RAB39B: variants seen among roughly 807,000 people sequenced by gnomAD.
RAB39B encodes the protein ras-related protein Rab-39B.
For missense variants in RAB39B, 68 were observed against 171.3 expected (o/e 0.40, Z 3.37); for synonymous variants, 63 against 67.5 (o/e 0.93, Z 0.33).
At chrX:155,262,978 A>G (rs1557314426) in intron 1 of RAB39B, among the ~76,000 whole-genome samples, 1 of 112,422 alleles carries the variant, frequency 8.9e-6, no homozygotes, top group Non-Finnish European at 1.9e-5. Context: ...CCCCTCTTCA[A>G]TTACCCAACC....
At chrX:155,263,656 T>A (rs2074860106) in intron 1 of RAB39B, among the ~76,000 whole-genome samples, 1 of 112,950 alleles carries the variant, frequency 8.9e-6, no homozygotes, top group African/African-American at 3.2e-5. Flanking sequence ...TTAGCATATA[T>A]ATGTGCACAC....
At chrX:155,262,867 G>GC (rs2074857919) in intron 1 of RAB39B, among the ~76,000 whole-genome samples, 1 of 112,019 alleles carries the variant, frequency 8.9e-6, no homozygotes, top group Admixed American at 9.4e-5. Flanking sequence ...AAATGCAATC[G>GC]CAAGTTCAAA....
rs1557314183 is a variant in RAB39B, at chrX:155,260,756, C to G, written c.*47G>C. On this transcript the variant is annotated 3_prime_UTR_variant, in exon 2 of 2. Coordinates refer to ENST00000369454, the MANE Select transcript of RAB39B (RefSeq NM_171998.4). ...ACAAAGATTCTATTTATTTCTCTTA[C>G]TTTTCAGTTCAAGTAGGAGAGCATG... The G allele has an allele frequency of 8.9e-7, 1 of 1,127,461 alleles. No homozygotes were observed. The highest frequency in any genetic ancestry group is 1.8e-5 in the African/African-American group (1 of 55,702). 92.9% of individuals were successfully genotyped at this position (1,127,461 alleles called of 1,213,427 possible).
rs146900062 is a variant in RAB39B, at chrX:155,260,914, C to G, written c.531G>C (p.Arg177Ser). 13 of 1,209,557 alleles carry G rather than the reference C, an allele frequency of 1.1e-5. No individual in the cohort carries two copies. Among genetic ancestry groups the G allele is most frequent in the African/African-American group, 3.5e-5 (2 of 57,233 alleles). Residue 177 changes from arginine (R) to serine (S), a missense_variant, in exon 2 of 2, where the codon AGG becomes AGC. Coordinates refer to ENST00000369454, the MANE Select transcript of RAB39B (RefSeq NM_171998.4). The part of the protein sequence containing the change: ...LTRDIYELVK[R>S]GEITIQEGWE... ...AGCCCTCCTGGATTGTAATCTCCCCCCTTTTAACCAGCTCATATATGTCTC... is the reference window on the plus strand; with the variant it reads ...AGCCCTCCTGGATTGTAATCTCCCCGCTTTTAACCAGCTCATATATGTCTC...
Position 155,260,476 on chromosome X carries a change from G to T in RAB39B, c.*327C>A. 3.3e-6 allele frequency: 1 copy of T among 307,009 alleles called. No homozygotes were observed. Among genetic ancestry groups the T allele is most frequent in the Non-Finnish European group, 5.8e-6 (1 of 171,576 alleles). The allele number at this position is 307,009 out of a possible 1,213,427, so 25.3% of individuals were successfully genotyped here. A position where few individuals can be genotyped will look rare whatever the true frequency, so the allele number is the denominator to read the frequency against. On this transcript the variant is annotated 3_prime_UTR_variant, in exon 2 of 2. Transcript: ENST00000369454. ...TCAAATACCAAGGAACAGTTGTCCT[G>T]TCTGTAGGTATGTTTTCCTGGGACT...
In RAB39B at chrX:155,264,372, G is replaced by C. The variant is rs1008244571; in HGVS notation, c.-84C>G. On this transcript the variant is annotated 5_prime_UTR_variant, in exon 1 of 2. Transcript: ENST00000369454. Reference sequence around the variant, plus strand: ...GCCGACGCCTCAGAGAGCGCGGCTCGGCAGGATCTAGCTCAGCCGCGAGCG... The same window carrying C: ...GCCGACGCCTCAGAGAGCGCGGCTCCGCAGGATCTAGCTCAGCCGCGAGCG... 1.4e-4 allele frequency: 133 copies of C among 927,179 alleles called. No homozygotes were observed. Among genetic ancestry groups the C allele is most frequent in the Non-Finnish European group, 1.4e-4 (90 of 644,229 alleles). The allele number at this position is 927,179 out of a possible 1,213,427, so 76.4% of individuals were successfully genotyped here.
Position 155,260,740 on chromosome X carries a change from C to G in RAB39B, c.*63G>C. 7 of 1,075,744 alleles carry G rather than the reference C, an allele frequency of 6.5e-6. No homozygotes were observed. Among genetic ancestry groups the G allele is most frequent in the Non-Finnish European group, 9.1e-6 (7 of 772,182 alleles). 88.7% of individuals were successfully genotyped at this position (1,075,744 alleles called of 1,213,427 possible). On this transcript the variant is annotated 3_prime_UTR_variant, in exon 2 of 2. Coordinates refer to ENST00000369454, the MANE Select transcript of RAB39B (RefSeq NM_171998.4). ...AGTTCTCATCAGTTACACAAAGATT[C>G]TATTTATTTCTCTTACTTTTCAGTT...
chrX:155,262,932 GAGGTAACTTA>G (rs1386714077), intron 1 of RAB39B, among the ~76,000 whole-genome samples: 1 of 112,256 alleles, frequency 8.9e-6, no homozygotes, highest in Non-Finnish European at 1.9e-5. Flanking sequence ...TGGGGAGCTG[GAGGTAACTTA>G]AGTTTGTAAT....
chrX:155,264,443 G>T lies in RAB39B; in HGVS notation c.-155C>A. ...GAAGCTGGGTAGGCCCAGGCGCCGGGAGAGCGGAGGGATGGATGCTGCGCT... is the reference window on the plus strand; with the variant it reads ...GAAGCTGGGTAGGCCCAGGCGCCGGTAGAGCGGAGGGATGGATGCTGCGCT... On this transcript the variant is annotated 5_prime_UTR_variant, in exon 1 of 2. Transcript: ENST00000369454. The T allele has an allele frequency of 2.1e-6, 1 of 480,174 alleles. No individual in the cohort carries two copies. Among genetic ancestry groups the T allele is most frequent in the South Asian group, 3.1e-5 (1 of 32,702 alleles). 39.6% of individuals were successfully genotyped at this position (480,174 alleles called of 1,213,427 possible).
In RAB39B at chrX:155,260,828, T is replaced by C; in HGVS notation, c.617A>G (p.Lys206Arg). ...NVVHSSEEVV[K>R]SERRCLC ...CTAGCACAAACATCTCCTCTCTGATTTGACAACCTCTTCTGAAGAGTGAAC... is the reference window on the plus strand; with the variant it reads ...CTAGCACAAACATCTCCTCTCTGATCTGACAACCTCTTCTGAAGAGTGAAC... Residue 206 changes from lysine to arginine, a missense_variant, in exon 2 of 2, where the codon AAA (lysine) becomes AGA (arginine). Lys to Arg is a conservative substitution (Grantham distance 26). Transcript: ENST00000369454. The C allele has an allele frequency of 8.3e-7, 1 of 1,211,947 alleles. No homozygotes were observed. The highest frequency in any genetic ancestry group is 3.0e-5 in the East Asian group (1 of 33,868).
rs1399187710 is a variant in RAB39B, at chrX:155,263,931, G to A, written c.215+143C>T. On this transcript the variant is annotated intron_variant, in intron 1 of 1. Coordinates refer to ENST00000369454, the MANE Select transcript of RAB39B (RefSeq NM_171998.4). Reference sequence around the variant, plus strand: ...CCTTGCACTAAACTCCGGGTTAGCCGAAGGTGGGCTTCGGCAGAATCCTCA... The same window carrying A: ...CCTTGCACTAAACTCCGGGTTAGCCAAAGGTGGGCTTCGGCAGAATCCTCA... 5 of 578,341 alleles carry A rather than the reference G, an allele frequency of 8.6e-6. No homozygotes were observed. The Admixed American group carries it at 1.5e-4, about 17-fold the overall frequency. 47.7% of individuals were successfully genotyped at this position (578,341 alleles called of 1,213,427 possible). A position where few individuals can be genotyped will look rare whatever the true frequency, so the allele number is the denominator to read the frequency against.
intron 1 of RAB39B, among the ~76,000 whole-genome samples, chrX:155,263,284 A>G (rs1396771917): frequency 8.9e-6 from 1 of 112,545 alleles, no homozygotes; most frequent in Non-Finnish European, 1.9e-5. Flanking sequence ...ACATGCTACA[A>G]TAGAAAAGCA....
At chrX:155,261,708 G>C (rs1010652318) in intron 1 of RAB39B, among the ~76,000 whole-genome samples, 1 of 111,644 alleles carries the variant, frequency 9.0e-6, no homozygotes, top group African/African-American at 3.3e-5. Flanking sequence ...GCTAGCAGTT[G>C]AAACAGGATT....
chrX:155,264,019 C>T, intron 1 of RAB39B, 55 bp downstream of exon 1: 2 of 1,063,940 alleles, frequency 1.9e-6, no homozygotes, highest in Admixed American at 2.2e-5. Context: ...TCCCCAGAGG[C>T]GGTGCAAACC....
rs1478846020 is a variant in RAB39B, at chrX:155,258,409, G to T, written c.*2394C>A. 1 of 112,582 alleles carries T rather than the reference G, an allele frequency of 8.9e-6. No individual in the cohort carries two copies. Among genetic ancestry groups the T allele is most frequent in the Non-Finnish European group, 1.9e-5 (1 of 53,281 alleles). The allele number at this position is 112,582 out of a possible 1,213,427, so 9.3% of individuals were successfully genotyped here. ...AATCCAACATGCAGTTGTGGTCTTT[G>T]TTACAAGTTAGTTTATCTTTTCTTT... On this transcript the variant is annotated 3_prime_UTR_variant, in exon 2 of 2. Transcript: ENST00000369454.
intron 1 of RAB39B, among the ~76,000 whole-genome samples, chrX:155,263,317 C>T (rs1177115115): frequency 8.9e-6 from 1 of 112,663 alleles, no homozygotes; most frequent in African/African-American, 3.2e-5. Flanking sequence ...TGAAAGTAAA[C>T]ATATTCATTG....
rs1450580696 is a variant in RAB39B, at chrX:155,258,718, T to G, written c.*2085A>C. ...AAAATTGTAGGGAAGTTTTGTTTCT[T>G]TCCTTTTTTGAACTGACAGAATCCA... On this transcript the variant is annotated 3_prime_UTR_variant, in exon 2 of 2. Coordinates refer to ENST00000369454, the MANE Select transcript of RAB39B (RefSeq NM_171998.4). 1 of 112,447 alleles carries G rather than the reference T, an allele frequency of 8.9e-6. No individual in the cohort carries two copies. The highest frequency in any genetic ancestry group is 1.9e-5 in the Non-Finnish European group (1 of 53,273). The allele number at this position is 112,447 out of a possible 1,213,427, so 9.3% of individuals were successfully genotyped here.
rs2074849947 is a variant in RAB39B at position 155,260,592 on chromosome X, G to T, written c.*211C>A. On this transcript the variant is annotated 3_prime_UTR_variant, in exon 2 of 2. Transcript: ENST00000369454. ...AGCATGGGCCACAAAACAGTGCCTG[G>T]CCTGGCCCATGTCAGCAATTCAGTC... 1 of 449,414 alleles carries T rather than the reference G, an allele frequency of 2.2e-6. No individual in the cohort carries two copies. Among genetic ancestry groups the T allele is most frequent in the South Asian group, 3.2e-5 (1 of 31,346 alleles). The allele number at this position is 449,414 out of a possible 1,213,427, so 37.0% of individuals were successfully genotyped here.
chrX:155,263,976 C>T, intron 1 of RAB39B, 98 bp downstream of exon 1: 2 of 838,066 alleles, frequency 2.4e-6, no homozygotes, highest in Admixed American at 2.3e-5. Flanking sequence ...GTGTTGCCCT[C>T]CTGGACCGCA....
Sources: allele counts gnomAD v4.1 joint callset (sites outside exome capture counted in the v4.1 genomes callset), GRCh38; gene constraint gnomAD v4.1.1; transcripts MANE v1.5; gene names NCBI Gene and HGNC (gene_info 2026-07-23, HGNC 2026-07-21).